TASP1: variants seen among roughly 807,000 people sequenced by gnomAD.
TASP1 encodes threonine aspartase 1.
Under a neutral mutation model 56.6 loss-of-function variants are expected in TASP1, and 16 were observed. The observed-to-expected ratio is 0.28, with a 90% confidence interval of 0.19 to 0.43. The LOEUF is 0.43. Ranked by LOEUF, TASP1 falls within the 20% of genes least tolerant of loss-of-function variation. The probability of loss-of-function intolerance (pLI) is 1.00; values close to 1 mark genes in which losing one functional copy is unlikely to be tolerated. For synonymous variants in TASP1, 179 were observed against 184.2 expected (o/e 0.97, Z 0.23); for missense variants, 393 against 511.6 (o/e 0.77, Z 2.24).
chr20:13,221,446 T>C, the TASP1 span, among the ~76,000 whole-genome samples: 42,823 of 142,968 alleles, frequency 0.3, 6,540 homozygotes, highest in African/African-American at 0.35. Context: ...TCCCGGGCTG[T>C]CCCGGGACCC....
chr20:13,382,355 G>T, the TASP1 span, among the ~76,000 whole-genome samples: 28 of 152,272 alleles, frequency 1.8e-4, no homozygotes, highest in Admixed American at 3.9e-4. Context: ...ATCTTCTAAA[G>T]GTTTGTTTTG....
chr20:13,616,677 T>G (rs1339029882), intron 4 of TASP1, among the ~76,000 whole-genome samples: 1 of 151,784 alleles, frequency 6.6e-6, no homozygotes, highest in Non-Finnish European at 1.5e-5. Flanking sequence ...AAGAAATCAC[T>G]GCTTTTCCAT....
At chr20:13,388,736 T>G (rs2041182471), downstream of TASP1, among the ~76,000 whole-genome samples, 1 of 152,188 alleles carries the variant, frequency 6.6e-6, no homozygotes. Flanking sequence ...GTTCTCAGCC[T>G]CATTAAGAAT....
At chr20:13,120,559 G>A in the TASP1 span, among the ~76,000 whole-genome samples, 1 of 152,108 alleles carries the variant, frequency 6.6e-6, no homozygotes, top group Admixed American at 6.5e-5. Flanking sequence ...GGTATAGAGG[G>A]GCTGCATTCC....
At chr20:13,279,874 G>T in the TASP1 span, 2 of 1,613,950 alleles carry the variant, frequency 1.2e-6, no homozygotes, top group Non-Finnish European at 1.7e-6. Context: ...CCGGACTTTT[G>T]AAACCAAAGA....
the TASP1 span, chr20:13,164,670 T>A: frequency 1.0e-6 from 1 of 969,532 alleles, no homozygotes; most frequent in East Asian, 2.6e-5. Flanking sequence ...TGTGTCTTTG[T>A]GAGGCTTGCT....
chr20:13,590,765 C>G (rs1484676503), intron 4 of TASP1, among the ~76,000 whole-genome samples: 1 of 151,906 alleles, frequency 6.6e-6, no homozygotes, highest in East Asian at 1.9e-4. Flanking sequence ...ACTCAGGAAG[C>G]TGAGGCAGGA....
At position 13,544,224 on chromosome 20, in the gene TASP1, G is replaced by GA. The variant is rs1215373911; in HGVS notation, c.676-10084dup. ...TTGCTATATTCAGTGTTTCCTTTTT[G>GA]AAAAAATTCTTTACTGCCCTCCCAT... On this transcript the variant is annotated intron_variant, in intron 8 of 13. Coordinates refer to ENST00000337743, the MANE Select transcript of TASP1 (RefSeq NM_017714.3). Among the ~76,000 whole-genome samples, 5 of 152,000 alleles carry GA rather than the reference G, an allele frequency of 3.3e-5. No individual in the cohort carries two copies. In the South Asian group the frequency reaches 6.2e-4, roughly 19 times the overall value.
At chr20:13,479,037 T>G (rs551793333) in intron 11 of TASP1, among the ~76,000 whole-genome samples, 1 of 151,968 alleles carries the variant, frequency 6.6e-6, no homozygotes, top group Non-Finnish European at 1.5e-5. Flanking sequence ...ACATTAAAAA[T>G]CTCTTCTATA....
chr20:13,420,691 A>G (rs1299457254), intron 12 of TASP1, among the ~76,000 whole-genome samples: 2 of 152,222 alleles, frequency 1.3e-5, no homozygotes, highest in Non-Finnish European at 2.9e-5. Flanking sequence ...AGCAGCTAAC[A>G]CTTAGAATCT....
At chr20:13,136,604 C>CACATAT in the TASP1 span, among the ~76,000 whole-genome samples, 4 of 136,076 alleles carry the variant, frequency 2.9e-5, no homozygotes, top group East Asian at 9.6e-4. Flanking sequence ...CATCTAAAAA[C>CACATAT]ATATATATAT....
chr20:13,381,985 C>A, the TASP1 span, among the ~76,000 whole-genome samples: 1 of 152,118 alleles, frequency 6.6e-6, no homozygotes, highest in Non-Finnish European at 1.5e-5. Flanking sequence ...GATGTGCACA[C>A]CAGGATCCAG....
chr20:13,162,941 G>A, the TASP1 span, among the ~76,000 whole-genome samples: 2 of 152,084 alleles, frequency 1.3e-5, no homozygotes, highest in African/African-American at 4.8e-5. Flanking sequence ...CTAACTCTGA[G>A]CACGAGTGTG....
the TASP1 span, among the ~76,000 whole-genome samples, chr20:13,198,875 T>C: frequency 1.6e-3 from 233 of 144,320 alleles, 1 homozygote; most frequent in East Asian, 0.012. Context: ...TCCTTCCTTC[T>C]TTCCTTCCTT....
chr20:13,595,780 G>A (rs1202183684), intron 4 of TASP1, among the ~76,000 whole-genome samples: 1 of 152,126 alleles, frequency 6.6e-6, no homozygotes, highest in Non-Finnish European at 1.5e-5. Context: ...AATAATGGGA[G>A]ACTTTAACAT....
chr20:13,527,196 G>C (rs1289413142), intron 10 of TASP1, among the ~76,000 whole-genome samples: 2 of 152,080 alleles, frequency 1.3e-5, no homozygotes, highest in African/African-American at 2.4e-5. Flanking sequence ...AAACCAAGAG[G>C]GTTCCAGGAT....
the TASP1 span, among the ~76,000 whole-genome samples, chr20:13,355,261 A>T: frequency 1.3e-5 from 2 of 152,188 alleles, no homozygotes; most frequent in Non-Finnish European, 2.9e-5. Flanking sequence ...ATATCCACAT[A>T]TGTTATTTTA....
At chr20:13,466,653 A>C (rs1398159152) in intron 11 of TASP1, among the ~76,000 whole-genome samples, 1 of 152,184 alleles carries the variant, frequency 6.6e-6, no homozygotes, top group African/African-American at 2.4e-5. Flanking sequence ...AGGCAGGAGA[A>C]CTGCTTGAAC....
chr20:13,452,989 C>T (rs1315885115), intron 11 of TASP1, among the ~76,000 whole-genome samples: 1 of 152,030 alleles, frequency 6.6e-6, no homozygotes, highest in African/African-American at 2.4e-5. Flanking sequence ...CCCTAACAGG[C>T]AGTGCTGGGA....
Sources: allele counts gnomAD v4.1 joint callset (sites outside exome capture counted in the v4.1 genomes callset), GRCh38; gene constraint gnomAD v4.1.1; transcripts MANE v1.5; gene names NCBI Gene and HGNC (gene_info 2026-07-23, HGNC 2026-07-21).